FER1L5: variants seen among roughly 807,000 people sequenced by gnomAD.
The protein encoded by FER1L5 is fer-1 like family member 5.
In FER1L5, 187 loss-of-function variants were observed where a neutral mutation model predicts 279.9. The observed-to-expected ratio is 0.67, with a 90% CI of 0.59 to 0.75. The LOEUF (loss-of-function observed/expected upper bound fraction) is 0.75. FER1L5 is among the 30% of genes least tolerant of loss of function. The probability of loss-of-function intolerance (pLI) is 0.00; values close to 1 mark genes in which losing one functional copy is unlikely to be tolerated. For synonymous variants in FER1L5, 921 were observed against 989.7 expected (o/e 0.93, Z 1.30); for missense variants, 2,091 against 2,594.4 (o/e 0.81, Z 4.21).
In FER1L5 at chr2:96,689,563, G is replaced by A; in HGVS notation, c.2526-81G>A. ...CAGGTGGGGATGGGATGCCAGGTAT[G>A]GGAACGCTTGGCCAGCAGAAGACGG... On this transcript the variant is annotated intron_variant, in intron 25 of 52. Coordinates refer to ENST00000624922, the MANE Select transcript of FER1L5 (RefSeq NM_001293083.2). This position sits in a 1 kb window ranked among gnomAD's most constrained non-coding sequence, Gnocchi z 4.6. 2 of 1,439,718 alleles carry A rather than the reference G, an allele frequency of 1.4e-6. No individual in the cohort carries two copies. Among genetic ancestry groups the A allele is most frequent in the Non-Finnish European group, 1.9e-6 (2 of 1,047,640 alleles). 89.2% of individuals were successfully genotyped at this position (1,439,718 alleles called of 1,614,324 possible). A position where few individuals can be genotyped will look rare whatever the true frequency, so the allele number is the denominator to read the frequency against.
Position 96,698,733 on chromosome 2 carries a change from C to G in FER1L5, c.4419C>G (p.Phe1473Leu). 6.3e-7 allele frequency: 1 copy of G among 1,579,546 alleles called. No individual in the cohort carries two copies. Among genetic ancestry groups the G allele is most frequent in the Non-Finnish European group, 8.6e-7 (1 of 1,163,362 alleles). ...AAGCCCCAAAGCCCCCGCTGCAGTT[C>G]TTGGTTTGGCCAGAGAGAGAGGACT... is the stretch of plus-strand genomic sequence containing the variant. ...NPEAPKPPLQ[F>L]LVWPEREDFP... The change falls in exon 41 of 53, where the codon TTC becomes TTG. Residue 1473 changes from phenylalanine (F) to leucine (L), a missense_variant. Transcript: ENST00000624922. The surrounding 1 kb of genome is among the most constrained non-coding windows in gnomAD (Gnocchi z 5.5).
At chr2:96,673,938 CA>C (rs2076419929) in intron 19 of FER1L5, among the ~76,000 whole-genome samples, 1 of 152,176 alleles carries the variant, frequency 6.6e-6, no homozygotes, top group Admixed American at 6.5e-5. Flanking sequence ...TCATCTTTTT[CA>C]TCTTTACTGT....
chr2:96,651,339 C>CTTCT (rs780115764), intron 6 of FER1L5, among the ~76,000 whole-genome samples: 8 of 132,412 alleles, frequency 6.0e-5, no homozygotes, highest in Non-Finnish European at 1.1e-4. Flanking sequence ...TCTTTCTTTC[C>CTTCT]TTCTTTCTTT....
intron 23 of FER1L5, 114 bp from the exon 24 acceptor site, chr2:96,687,702 G>T: frequency 2.7e-6 from 4 of 1,461,276 alleles, no homozygotes; most frequent in South Asian, 2.7e-5. Flanking sequence ...CTCAGTGAGG[G>T]CCCCGCTCCC....
chr2:96,704,082 C>A, intron 51 of FER1L5, 133 bp from the exon 52 acceptor site: 1 of 1,115,614 alleles, frequency 9.0e-7, no homozygotes, highest in Non-Finnish European at 1.2e-6. Flanking sequence ...TCCCAAAATG[C>A]TGGGATTACA....
chr2:96,683,675 A>G (rs1435565883), intron 19 of FER1L5, among the ~76,000 whole-genome samples: 1 of 152,130 alleles, frequency 6.6e-6, no homozygotes, highest in East Asian at 1.9e-4. Flanking sequence ...TCGCCAAAGA[A>G]AAGCACAAGT....
At chr2:96,684,554 C>T (rs2076850531) in intron 20 of FER1L5, 103 bp downstream of exon 20, 2 of 1,424,488 alleles carry the variant, frequency 1.4e-6, no homozygotes, top group African/African-American at 2.8e-5. Context: ...TCACACAGCT[C>T]ATTCATGCAT....
chr2:96,647,220 T>C, intron 3 of FER1L5, 65 bp downstream of exon 3: 1 of 1,475,880 alleles, frequency 6.8e-7, no homozygotes, highest in Non-Finnish European at 9.3e-7. Context: ...TATGTGATCC[T>C]TGTCTCTAAT....
intron 21 of FER1L5, 67 bp from the exon 22 acceptor site, chr2:96,685,873 G>C: frequency 6.8e-7 from 1 of 1,460,262 alleles, no homozygotes; most frequent in African/African-American, 1.4e-5. Context: ...GCCTAAGGCA[G>C]GGCAGGAATG....
chr2:96,661,802 G>T lies in FER1L5; in HGVS notation c.1018+11G>T, dbSNP rs1318788017. The T allele has an allele frequency of 1.3e-6, 2 of 1,551,294 alleles. No homozygotes were observed. The highest frequency in any genetic ancestry group is 1.7e-6 in the Non-Finnish European group (2 of 1,146,910). On this transcript the variant is annotated intron_variant, in intron 12 of 52. Transcript: ENST00000624922. The stretch of plus-strand genomic sequence containing the variant: ...AGGACCTTCACCTCAGTTAGAGTCT[G>T]GGTGCAGGGGAGGGAGCAGCCCTGA...
Position 96,689,730 on chromosome 2 carries a change from G to A in FER1L5, c.2612G>A (p.Gly871Glu). 6.5e-7 allele frequency: 1 copy of A among 1,550,318 alleles called. No homozygotes were observed. The highest frequency in any genetic ancestry group is 8.7e-7 in the Non-Finnish European group (1 of 1,146,686). Residue 871 changes from glycine (G) to glutamate (E), a missense_variant, in exon 26 of 53, where the codon GGG (glycine) becomes GAG (glutamate). Transcript: ENST00000624922. The surrounding 1 kb of genome is among the most constrained non-coding windows in gnomAD (Gnocchi z 4.6). Reference protein sequence around the residue: ...NQGRDTRGAWGPAAIPNTDVN... With the variant: ...NQGRDTRGAWEPAAIPNTDVN... ...GGCCGTGACACCAGAGGGGCCTGGGGGCCTGCCGCCATCCCAAACACAGAC... is the reference window on the plus strand; with the variant it reads ...GGCCGTGACACCAGAGGGGCCTGGGAGCCTGCCGCCATCCCAAACACAGAC...
chr2:96,657,065 T>TTATATATATA (rs148662359), intron 9 of FER1L5, among the ~76,000 whole-genome samples: 1 of 145,822 alleles, frequency 6.9e-6, no homozygotes, highest in East Asian at 2.0e-4. Flanking sequence ...ATTTTTTAAT[T>TTATATATATA]TATATATATA....
chr2:96,648,498 C>T (rs2075230271), intron 4 of FER1L5, among the ~76,000 whole-genome samples: 1 of 152,190 alleles, frequency 6.6e-6, no homozygotes, highest in Non-Finnish European at 1.5e-5. Flanking sequence ...GGCGGGCCTC[C>T]CATGTGATTG....
intron 18 of FER1L5, 52 bp from the exon 19 acceptor site, chr2:96,673,025 A>C: frequency 2.0e-6 from 3 of 1,521,970 alleles, no homozygotes; most frequent in Non-Finnish European, 2.7e-6. Flanking sequence ...CTGTCAATAT[A>C]ACCCTTGGCT....
At chr2:96,692,467 G>A (rs1385724978) in intron 31 of FER1L5, among the ~76,000 whole-genome samples, 1 of 152,240 alleles carries the variant, frequency 6.6e-6, no homozygotes, top group Non-Finnish European at 1.5e-5. Flanking sequence ...ACGAGGCAGG[G>A]CTGCTCTTGA....
chr2:96,697,449 C>G, intron 37 of FER1L5, 77 bp from the exon 38 acceptor site: 1 of 1,536,124 alleles, frequency 6.5e-7, no homozygotes, highest in Non-Finnish European at 8.9e-7. Flanking sequence ...GCTCTGGCCT[C>G]AACCCCCCTC....
intron 18 of FER1L5, among the ~76,000 whole-genome samples, chr2:96,671,671 A>AGGTGGAAT (rs1487880928): frequency 2.0e-5 from 3 of 152,238 alleles, no homozygotes; most frequent in Non-Finnish European, 4.4e-5. Context: ...TGAGGAGAGT[A>AGGTGGAAT]GGTGGAATGA....
chr2:96,642,985 A>T, intron 1 of FER1L5, 64 bp downstream of exon 1: 1 of 1,425,530 alleles, frequency 7.0e-7, no homozygotes, highest in Non-Finnish European at 9.5e-7. Flanking sequence ...GATTCAGTGA[A>T]AAAAGAGGTG....
Position 96,702,978 on chromosome 2 carries a change from G to A in FER1L5, c.5398G>A (p.Asp1800Asn), listed in dbSNP as rs1322019948. Reference protein sequence around the residue: ...AERTCVQSQKDYIWSLDATSM... With the variant: ...AERTCVQSQKNYIWSLDATSM... The stretch of plus-strand genomic sequence containing the variant: ...ACACGCCCTTCCGCCATTTCCCCAG[G>A]ATTACATATGGAGCCTGGATGCCAC... The change falls in exon 49 of 53, where the codon GAT becomes AAT. Residue 1800 changes from aspartate to asparagine, a missense_variant and splice_region_variant. By Grantham distance (23) the Asp-to-Asn change is conservative. Transcript: ENST00000624922. The surrounding 1 kb of genome is among the most constrained non-coding windows in gnomAD (Gnocchi z 4.0). The A allele has an allele frequency of 6.2e-7, 1 of 1,610,906 alleles. No individual in the cohort carries two copies. The highest frequency in any genetic ancestry group is 8.5e-7 in the Non-Finnish European group (1 of 1,178,604).
Sources: allele counts gnomAD v4.1 joint callset (sites outside exome capture counted in the v4.1 genomes callset), GRCh38; gene constraint gnomAD v4.1.1; non-coding constraint Gnocchi (gnomAD v3.1); transcripts MANE v1.5; gene names NCBI Gene and HGNC (gene_info 2026-07-23, HGNC 2026-07-21).